SAP30BP: variants seen among roughly 807,000 people sequenced by gnomAD.
SAP30BP encodes the protein SAP30-binding protein.
A neutral mutation model predicts 46.3 loss-of-function variants in SAP30BP; 31 were observed. The observed-to-expected ratio is 0.67, with a 90% CI of 0.50 to 0.90. The LOEUF (loss-of-function observed/expected upper bound fraction) is 0.90, where lower values mean the gene tolerates loss of function less well. SAP30BP is among the 40% of genes least tolerant of loss of function. SAP30BP has a pLI of 0.00. For synonymous variants in SAP30BP, 169 were observed against 144.2 expected (o/e 1.17, Z -1.23); for missense variants, 312 against 391.0 (o/e 0.80, Z 1.70).
Position 75,699,854 on chromosome 17 carries a change from TG to T in SAP30BP, c.380del (p.Cys127PhefsTer17). 1 of 1,612,654 alleles carries T rather than the reference TG, an allele frequency of 6.2e-7. No homozygotes were observed. The highest frequency in any genetic ancestry group is 8.5e-7 in the Non-Finnish European group (1 of 1,178,754). On this transcript the variant is annotated frameshift_variant, in exon 5 of 11. Transcript: ENST00000584667. LOFTEE classifies it high-confidence loss of function. The stretch of plus-strand genomic sequence containing the variant: ...GATCCCGCCAGAACCCCCTGGCAGA[TG>T]TTCAAATCACTTGCAAGTAAGCATG... ...IKIPPEPPGR[C>X]SNHLQDKIQK...
At chr17:75,699,932 G>A (rs2060382460) in intron 5 of SAP30BP, 61 bp downstream of exon 5, 2 of 1,269,532 alleles carry the variant, frequency 1.6e-6, no homozygotes, top group East Asian at 4.7e-5. Context: ...TACGTGTTTG[G>A]TTTGGTCTTA....
chr17:75,696,930 A>T (rs1272781067), intron 4 of SAP30BP, among the ~76,000 whole-genome samples: 1 of 151,054 alleles, frequency 6.6e-6, no homozygotes. Flanking sequence ...GGCGCCCACC[A>T]CCACACTTGG....
At chr17:75,689,941 G>A (rs1037040588) in intron 3 of SAP30BP, among the ~76,000 whole-genome samples, 5 of 152,114 alleles carry the variant, frequency 3.3e-5, no homozygotes, top group Non-Finnish European at 7.4e-5. Flanking sequence ...GTGGGCGAGA[G>A]GTGACTTCTA....
intron 3 of SAP30BP, chr17:75,679,692 A>G (rs1332171269): frequency 6.6e-6 from 1 of 152,188 alleles, no homozygotes; most frequent in Non-Finnish European, 1.5e-5. Flanking sequence ...GGCGTTGCAT[A>G]GGAAACAAGC....
At position 75,708,053 on chromosome 17, in the gene SAP30BP, C is replaced by T. The variant is rs976341604; in HGVS notation, c.*1532C>T. On this transcript the variant is annotated 3_prime_UTR_variant, in exon 11 of 11. Transcript: ENST00000584667. Reference sequence around the variant, plus strand: ...CAAAAGCTTTATAAACTGTAAAGTTCCTGCCAGTGTTTTTTGTTGGCTAAA... The same window carrying T: ...CAAAAGCTTTATAAACTGTAAAGTTTCTGCCAGTGTTTTTTGTTGGCTAAA... 1 of 150,238 alleles carries T rather than the reference C, an allele frequency of 6.7e-6. No homozygotes were observed. Among genetic ancestry groups the T allele is most frequent in the Non-Finnish European group, 1.5e-5 (1 of 67,318 alleles). The allele number at this position is 150,238 out of a possible 1,614,324, so 9.3% of individuals were successfully genotyped here.
intron 7 of SAP30BP, 113 bp from the exon 8 acceptor site, chr17:75,703,695 C>A: frequency 1.1e-6 from 1 of 941,480 alleles, no homozygotes; most frequent in Non-Finnish European, 1.7e-6. Context: ...AAGATGACAG[C>A]CGAGCCCCGG....
intron 2 of SAP30BP, among the ~76,000 whole-genome samples, chr17:75,669,823 C>T (rs1345936281): frequency 6.6e-6 from 1 of 152,164 alleles, no homozygotes; most frequent in Non-Finnish European, 1.5e-5. Context: ...ACAAGAAAGT[C>T]TTTAGACACA....
chr17:75,667,425 C>G lies in SAP30BP; in HGVS notation c.53C>G (p.Ser18Ter). The change falls in exon 1 of 11, where the codon TCA becomes TGA. Residue 18 changes from serine (S) to a stop codon, truncating the protein, a stop_gained. Transcript: ENST00000584667. LOFTEE classifies it high-confidence loss of function. The stretch of plus-strand genomic sequence containing the variant: ...TCTCTCGCAGTTTACGCGGAAGATT[C>G]AGAGCCCGAGTCTGATGGCGAGGCT... ...LSSLAVYAED[S>*]EPESDGEAGI... 1.9e-6 allele frequency: 3 copies of G among 1,614,170 alleles called. No homozygotes were observed. Among genetic ancestry groups the G allele is most frequent in the Non-Finnish European group, 2.5e-6 (3 of 1,180,028 alleles).
chr17:75,686,533 AAAG>A (rs1400976187), intron 3 of SAP30BP, among the ~76,000 whole-genome samples: 1 of 151,832 alleles, frequency 6.6e-6, no homozygotes, highest in Non-Finnish European at 1.5e-5. Context: ...AGAAAAAAAA[AAAG>A]AAAGAAAAAA....
intron 3 of SAP30BP, among the ~76,000 whole-genome samples, chr17:75,687,590 T>G (rs948748557): frequency 1.3e-5 from 2 of 149,990 alleles, no homozygotes; most frequent in Non-Finnish European, 3.0e-5. Flanking sequence ...TACTCCAGCC[T>G]GTGTGACAGA....
chr17:75,679,172 A>G (rs1408715964), intron 3 of SAP30BP, among the ~76,000 whole-genome samples: 2 of 151,312 alleles, frequency 1.3e-5, no homozygotes, highest in African/African-American at 2.4e-5. Flanking sequence ...AATTTTTTGT[A>G]TTTTTAGTAG....
chr17:75,693,548 A>T, intron 4 of SAP30BP, 66 bp downstream of exon 4: 4 of 1,488,256 alleles, frequency 2.7e-6, no homozygotes, highest in Non-Finnish European at 3.7e-6. Flanking sequence ...GCTTCCAGCC[A>T]TGCCAGGCCT....
chr17:75,696,193 CTG>C (rs1470378682), intron 4 of SAP30BP, among the ~76,000 whole-genome samples: 1 of 152,162 alleles, frequency 6.6e-6, no homozygotes, highest in South Asian at 2.1e-4. Flanking sequence ...TTCCAAGAGA[CTG>C]TGGACACATC....
chr17:75,705,673 G>A (rs1451597010), intron 9 of SAP30BP: 41 of 1,127,976 alleles, frequency 3.6e-5, no homozygotes, highest in Middle Eastern at 4.1e-4. Flanking sequence ...CTGTGCGGGC[G>A]GGCACCGCCT....
intron 3 of SAP30BP, among the ~76,000 whole-genome samples, chr17:75,688,182 G>C (rs1005346619): frequency 1.3e-5 from 2 of 152,136 alleles, no homozygotes; most frequent in Admixed American, 1.3e-4. Context: ...CAAAGATCCT[G>C]GGTGCAGAAA....
At chr17:75,703,103 C>T (rs922576117) in intron 6 of SAP30BP, 23 of 577,758 alleles carry the variant, frequency 4.0e-5, no homozygotes, top group South Asian at 2.9e-4. Context: ...AAAACTCAGC[C>T]GTCACCTTGA....
intron 1 of SAP30BP, 104 bp downstream of exon 1, chr17:75,667,582 C>A: frequency 9.6e-7 from 1 of 1,036,398 alleles, no homozygotes; most frequent in Non-Finnish European, 1.4e-6. Context: ...GCTCCAAGCA[C>A]CGGACCCCGA....
chr17:75,688,743 GTTAC>G (rs1382060638), intron 3 of SAP30BP, among the ~76,000 whole-genome samples: 1 of 152,156 alleles, frequency 6.6e-6, no homozygotes, highest in Non-Finnish European at 1.5e-5. Flanking sequence ...CTATATTGTT[GTTAC>G]TTCCTTCCTG....
At chr17:75,668,483 T>TTTTG (rs570003965) in intron 1 of SAP30BP, 33 bp from the exon 2 acceptor site, 13 of 1,340,038 alleles carry the variant, frequency 9.7e-6, no homozygotes, top group East Asian at 4.9e-5. Flanking sequence ...TTTTCTTGCT[T>TTTTG]TTTGTTTGTT....
Sources: gnomAD v4.1 joint callset for allele counts (sites outside exome capture counted in the v4.1 genomes callset) on GRCh38, gnomAD v4.1.1 for gene constraint, MANE v1.5 for transcripts, NCBI Gene and HGNC (gene_info 2026-07-23, HGNC 2026-07-21) for gene names.